STK17B: variants seen among roughly 807,000 people sequenced by gnomAD.
The protein encoded by STK17B is serine/threonine-protein kinase 17B.
In STK17B, 21 loss-of-function variants were observed where a neutral mutation model predicts 42.0. That is an observed-to-expected ratio of 0.50 (90% CI 0.35 to 0.72). STK17B has a LOEUF of 0.72. STK17B is among the 30% of genes least tolerant of loss of function. The pLI, the probability that STK17B is intolerant of heterozygous loss-of-function variation, is 0.00. For missense variants in STK17B, 349 were observed against 446.0 expected (o/e 0.78, Z 1.96); for synonymous variants, 143 against 148.4 (o/e 0.96, Z 0.26).
At chr2:196,143,725 A>G (rs3736516) in intron 4 of STK17B, 39 bp from the exon 5 acceptor site, 73,879 of 1,435,366 alleles carry the variant, frequency 0.051, 5,037 homozygotes, top group African/African-American at 0.33. Context: ...AGTAATATAC[A>G]AAAAAGCATA....
chr2:196,155,843 G>C (rs1699731178), intron 3 of STK17B, among the ~76,000 whole-genome samples: 1 of 152,094 alleles, frequency 6.6e-6, no homozygotes, highest in Admixed American at 6.5e-5. Flanking sequence ...TAGAATACTG[G>C]GGGTGTTTTC....
At chr2:196,149,046 T>C (rs1699623624) in intron 3 of STK17B, among the ~76,000 whole-genome samples, 1 of 152,196 alleles carries the variant, frequency 6.6e-6, no homozygotes, top group South Asian at 2.1e-4. Context: ...AAGAATTAAA[T>C]TGGATAATCC....
intron 3 of STK17B, chr2:196,152,948 T>A (rs960319010): frequency 3.9e-5 from 6 of 152,052 alleles, no homozygotes; most frequent in African/African-American, 7.2e-5. Flanking sequence ...ATTATTTATT[T>A]TTTATTTTTT....
At chr2:196,142,828 T>C (rs1699511937) in intron 5 of STK17B, among the ~76,000 whole-genome samples, 1 of 152,244 alleles carries the variant, frequency 6.6e-6, no homozygotes, top group African/African-American at 2.4e-5. Context: ...TCTGTTTAAC[T>C]GTATCTTTTC....
At chr2:196,168,624 C>T (rs1213738673) in intron 1 of STK17B, among the ~76,000 whole-genome samples, 2 of 151,946 alleles carry the variant, frequency 1.3e-5, no homozygotes, top group Non-Finnish European at 2.9e-5. Context: ...AACCAAAATA[C>T]AATGCATATA....
intron 3 of STK17B, among the ~76,000 whole-genome samples, chr2:196,151,749 T>A (rs1023879910): frequency 6.6e-6 from 1 of 152,192 alleles, no homozygotes; most frequent in African/African-American, 2.4e-5. Flanking sequence ...GACTCAATTA[T>A]CCTCAAATTT....
At chr2:196,171,285 G>A (rs939230) in intron 1 of STK17B, 48 bp downstream of exon 1, 24,364 of 152,402 alleles carry the variant, frequency 0.16, 2,170 homozygotes, top group African/African-American at 0.22. Flanking sequence ...GAGGCGGCTG[G>A]TTCCATCGCA....
At chr2:196,161,290 AG>A (rs1488058986) in intron 2 of STK17B, among the ~76,000 whole-genome samples, 1 of 148,880 alleles carries the variant, frequency 6.7e-6, no homozygotes, top group Non-Finnish European at 1.5e-5. Flanking sequence ...AAAAAGAAAA[AG>A]AAAAAAAGAA....
chr2:196,170,360 C>A (rs1699924044), intron 1 of STK17B, among the ~76,000 whole-genome samples: 1 of 152,214 alleles, frequency 6.6e-6, no homozygotes, highest in Non-Finnish European at 1.5e-5. Flanking sequence ...ATTAGCACCA[C>A]AGATGTAAAC....
rs367688487 is a variant in STK17B at position 196,144,195 on chromosome 2, T to TA, written c.481-510dup. On this transcript the variant is annotated intron_variant, in intron 4 of 7. Coordinates refer to ENST00000263955, the MANE Select transcript of STK17B (RefSeq NM_004226.4). ...TTAAATAAAAAAAAAATTAAAAAAT[T>TA]AAAAAAAAAAAGAGGCCGGGCATGG... Among the ~76,000 whole-genome samples, 447 of 145,872 alleles carry TA rather than the reference T, an allele frequency of 3.1e-3. 3 individuals are homozygous for TA. Among genetic ancestry groups the TA allele is most frequent in the African/African-American group, 0.01 (392 of 38,214 alleles).
upstream of STK17B, chr2:196,171,711 G>T (rs1462529768): frequency 1.3e-5 from 2 of 151,178 alleles, no homozygotes; most frequent in Non-Finnish European, 3.0e-5. Flanking sequence ...CCGGGGGCGC[G>T]TGTGCGGGGC....
intron 3 of STK17B, chr2:196,154,992 A>G (rs1280755875): frequency 6.6e-6 from 1 of 152,236 alleles, no homozygotes; most frequent in Non-Finnish European, 1.5e-5. Context: ...CGGAGTATGA[A>G]CAAGGTCCAT....
chr2:196,162,038 A>G (rs1471571377), intron 2 of STK17B, among the ~76,000 whole-genome samples: 3 of 152,212 alleles, frequency 2.0e-5, no homozygotes, highest in African/African-American at 7.2e-5. Context: ...TTAGTAAACC[A>G]TTTAACATAC....
At chr2:196,156,075 C>A (rs768864309) in intron 3 of STK17B, 1 of 159,432 alleles carries the variant, frequency 6.3e-6, no homozygotes, top group African/African-American at 2.4e-5. Flanking sequence ...TTCTTATTTT[C>A]TTGAAGGTAT....
intron 6 of STK17B, among the ~76,000 whole-genome samples, chr2:196,140,859 G>A (rs1039128979): frequency 2.0e-5 from 3 of 152,024 alleles, no homozygotes; most frequent in Non-Finnish European, 4.4e-5. Context: ...CACCACGCCC[G>A]GCCAACTCTT....
At chr2:196,163,488 T>A in intron 1 of STK17B, 61 bp from the exon 2 acceptor site, 1 of 1,270,950 alleles carries the variant, frequency 7.9e-7, no homozygotes, top group Non-Finnish European at 1.1e-6. Context: ...TGCATTACAT[T>A]ACACAGCTCC....
At chr2:196,162,598 G>A (rs1699825985) in intron 2 of STK17B, among the ~76,000 whole-genome samples, 1 of 152,096 alleles carries the variant, frequency 6.6e-6, no homozygotes, top group South Asian at 2.1e-4. Flanking sequence ...GGAAACGACA[G>A]CACTAAGAGG....
intron 7 of STK17B, among the ~76,000 whole-genome samples, chr2:196,138,583 T>G (rs994679767): frequency 4.1e-5 from 6 of 144,952 alleles, no homozygotes; most frequent in East Asian, 4.0e-4. Context: ...TTTTTTTTGG[T>G]TTTTTTTTTT....
intron 1 of STK17B, among the ~76,000 whole-genome samples, chr2:196,164,164 G>C (rs1407189911): frequency 6.6e-6 from 1 of 151,198 alleles, no homozygotes; most frequent in East Asian, 1.9e-4. Context: ...AAAGAAATTT[G>C]GTGGTAAATG....
Sources: allele counts gnomAD v4.1 joint callset (sites outside exome capture counted in the v4.1 genomes callset), GRCh38; gene constraint gnomAD v4.1.1; transcripts MANE v1.5; gene names NCBI Gene and HGNC (gene_info 2026-07-23, HGNC 2026-07-21).